The following MYO18A variants were observed in gnomAD, a reference collection of about 807,000 sequenced individuals.
The protein encoded by MYO18A is unconventional myosin-XVIIIa.
A neutral mutation model predicts 235.8 loss-of-function variants in MYO18A; 78 were observed. The ratio of observed to expected loss-of-function variants is 0.33; its 90% CI spans 0.28 to 0.40. The LOEUF (loss-of-function observed/expected upper bound fraction) is 0.40, where lower values mean the gene tolerates loss of function less well. MYO18A is among the 10% of genes least tolerant of loss of function. The probability of loss-of-function intolerance (pLI) is 1.00; values close to 1 mark genes in which losing one functional copy is unlikely to be tolerated. For synonymous variants in MYO18A, 977 were observed against 1,077.8 expected (o/e 0.91, Z 1.83); for missense variants, 2,215 against 2,699.3 (o/e 0.82, Z 3.98).
intron 2 of MYO18A, chr17:29,155,452 GGCCTGGCA>G (rs1334189838): frequency 3.9e-5 from 6 of 152,306 alleles, no homozygotes. Flanking sequence ...CTTGCCCCAG[GGCCTGGCA>G]GTGAGAGGTG....
intron 2 of MYO18A, among the ~76,000 whole-genome samples, chr17:29,161,434 G>T (rs1358147249): frequency 6.6e-6 from 1 of 151,368 alleles, no homozygotes; most frequent in East Asian, 1.9e-4. Flanking sequence ...GGCTGAGGTG[G>T]GAGGATCGCT....
rs1639082649 is a variant in MYO18A at position 29,140,474 on chromosome 17, C to T, written c.1000-18221G>A. The T allele has an allele frequency of 8.4e-7, 1 of 1,191,334 alleles. No homozygotes were observed. The highest frequency in any genetic ancestry group is 1.5e-5 in the South Asian group (1 of 67,110). 73.8% of individuals were successfully genotyped at this position (1,191,334 alleles called of 1,614,324 possible). A position where few individuals can be genotyped will look rare whatever the true frequency, so the allele number is the denominator to read the frequency against. ...GCCCTCTCCCCGGCCCCTCCCGTCCCGAGCTGCCCAGCCCTAGTTGGAGCC... is the reference window on the plus strand; with the variant it reads ...GCCCTCTCCCCGGCCCCTCCCGTCCTGAGCTGCCCAGCCCTAGTTGGAGCC... On this transcript the variant is annotated intron_variant, in intron 2 of 41. Coordinates refer to ENST00000527372, the MANE Select transcript of MYO18A (RefSeq NM_078471.4). The surrounding 1 kb of genome is among the most constrained non-coding windows in gnomAD (Gnocchi z 4.2).
intron 1 of MYO18A, 26 bp from the exon 2 acceptor site, chr17:29,167,047 A>G: frequency 4.9e-6 from 7 of 1,426,710 alleles, no homozygotes; most frequent in Non-Finnish European, 6.4e-6. Flanking sequence ...CACAGAGAGA[A>G]AGGTTATTCG....
rs1398940943 is a variant in MYO18A, at chr17:29,126,364, C to T, written c.1000-4111G>A. 3.9e-5 allele frequency among the ~76,000 whole-genome samples: 6 copies of T among 152,006 alleles called. No homozygotes were observed. Among genetic ancestry groups the T allele is most frequent in the African/African-American group, 1.2e-4 (5 of 41,360 alleles). ...GAGGGCAGCCGCCCGGGAACAGGACCACGACACTCCCCACCTGCTTATGGG... is the reference window on the plus strand; with the variant it reads ...GAGGGCAGCCGCCCGGGAACAGGACTACGACACTCCCCACCTGCTTATGGG... On this transcript the variant is annotated intron_variant, in intron 2 of 41. Transcript: ENST00000527372. This position sits in a 1 kb window ranked among gnomAD's most constrained non-coding sequence, Gnocchi z 4.1.
intron 36 of MYO18A, 100 bp downstream of exon 36, chr17:29,090,432 T>C (rs536717010): frequency 2.9e-6 from 3 of 1,024,672 alleles, no homozygotes; most frequent in African/African-American, 3.2e-5. Flanking sequence ...GGATTACTGA[T>C]GGCAGAGAAA....
In MYO18A at chr17:29,120,144, C is replaced by T. The variant is rs1229270978; in HGVS notation, c.1728+472G>A. Among the ~76,000 whole-genome samples, 1 of 152,202 alleles carries T rather than the reference C, an allele frequency of 6.6e-6. No homozygotes were observed. Among genetic ancestry groups the T allele is most frequent in the Non-Finnish European group, 1.5e-5 (1 of 68,026 alleles). On this transcript the variant is annotated intron_variant, in intron 7 of 41. Coordinates refer to ENST00000527372, the MANE Select transcript of MYO18A (RefSeq NM_078471.4). This position sits in a 1 kb window ranked among gnomAD's most constrained non-coding sequence, Gnocchi z 4.2. ...CCAGAATGAGGTGGAAGAAGACAGG[C>T]CCAGCTCCCAAAGGGGCCCTGCTGC...
intron 2 of MYO18A, among the ~76,000 whole-genome samples, chr17:29,148,923 G>GC (rs1171862361): frequency 6.6e-6 from 1 of 152,212 alleles, no homozygotes; most frequent in African/African-American, 2.4e-5. Context: ...TCCCGGGTTG[G>GC]CCCACCGGCC....
chr17:29,148,788 G>A (rs2067903760), intron 2 of MYO18A, among the ~76,000 whole-genome samples: 1 of 152,222 alleles, frequency 6.6e-6, no homozygotes, highest in Admixed American at 6.5e-5. Flanking sequence ...GAGAGGAGAA[G>A]GAGGGCTGAG....
rs1446590186 is a variant in MYO18A, at chr17:29,129,050, C to T, written c.1000-6797G>A. On this transcript the variant is annotated intron_variant, in intron 2 of 41. Transcript: ENST00000527372. ...ATCCCAGGCCTAACTCCAGGGCGTC[C>T]TGACCTTTGTAGTCCTTGGTCCTTC... 8 of 1,289,418 alleles carry T rather than the reference C, an allele frequency of 6.2e-6. No homozygotes were observed. The South Asian group carries it at 9.9e-5, about 16-fold the overall frequency. The allele number at this position is 1,289,418 out of a possible 1,614,324, so 79.9% of individuals were successfully genotyped here. A position where few individuals can be genotyped will look rare whatever the true frequency, so the allele number is the denominator to read the frequency against.
chr17:29,174,814 CA>C (rs970991069), intron 1 of MYO18A, among the ~76,000 whole-genome samples: 55 of 139,368 alleles, frequency 3.9e-4, no homozygotes, highest in African/African-American at 1.3e-3. Flanking sequence ...GACTCTGTCT[CA>C]AAAAAAAAAG....
intron 2 of MYO18A, among the ~76,000 whole-genome samples, chr17:29,159,439 A>T (rs1374144708): frequency 1.3e-5 from 2 of 152,198 alleles, no homozygotes; most frequent in Non-Finnish European, 2.9e-5. Context: ...GCACAAAATG[A>T]AGACAAATTT....
chr17:29,159,760 TCATA>T (rs2152964591), intron 2 of MYO18A, among the ~76,000 whole-genome samples: 1 of 152,216 alleles, frequency 6.6e-6, no homozygotes, highest in South Asian at 2.1e-4. Context: ...TTGATGAGGC[TCATA>T]CAGTTTCTAC....
chr17:29,080,167 C>T (rs1193040446), intron 41 of MYO18A: 3 of 985,912 alleles, frequency 3.0e-6, no homozygotes, highest in African/African-American at 1.7e-5. Flanking sequence ...TTGGGCGCTC[C>T]GGGCACTTTG....
At chr17:29,175,653 T>A (rs1310161220) in intron 1 of MYO18A, among the ~76,000 whole-genome samples, 4 of 151,850 alleles carry the variant, frequency 2.6e-5, no homozygotes, top group Non-Finnish European at 5.9e-5. Context: ...TGTGAACCAC[T>A]GTGTCCGGCC....
intron 2 of MYO18A, among the ~76,000 whole-genome samples, chr17:29,148,582 T>TTGTGTGTGTGTGTGTGTGTGTG (rs10535921): frequency 2.7e-5 from 4 of 148,758 alleles, no homozygotes; most frequent in Admixed American, 6.7e-5. Context: ...CTTTATTCTT[T>TTGTGTGTGTGTGTGTGTGTGTG]TGTGTGTGTG....
chr17:29,116,436 G>C lies in MYO18A; in HGVS notation c.2050+8C>G. On this transcript the variant is annotated splice_region_variant and intron_variant, in intron 11 of 41. Transcript: ENST00000527372. Reference sequence around the variant, plus strand: ...ATTAGGGAAAGCTAACAAGAAACAAGGTTTTACCTTCAGCAGCTTCTGTAA... The same window carrying C: ...ATTAGGGAAAGCTAACAAGAAACAACGTTTTACCTTCAGCAGCTTCTGTAA... The C allele has an allele frequency of 6.2e-7, 1 of 1,613,942 alleles. No homozygotes were observed.
At chr17:29,148,261 G>A (rs1182612038) in intron 2 of MYO18A, among the ~76,000 whole-genome samples, 2 of 152,198 alleles carry the variant, frequency 1.3e-5, no homozygotes, top group Non-Finnish European at 2.9e-5. Flanking sequence ...TATAAGCACT[G>A]TTGCCATAAA....
chr17:29,079,758 C>T, intron 41 of MYO18A: 3 of 986,098 alleles, frequency 3.0e-6, no homozygotes, highest in Non-Finnish European at 3.6e-6. Flanking sequence ...GGTACAGGTA[C>T]CGCATCATCA....
chr17:29,123,250 CTTG>C (rs762406530), intron 2 of MYO18A, among the ~76,000 whole-genome samples: 1 of 152,128 alleles, frequency 6.6e-6, no homozygotes, highest in Non-Finnish European at 1.5e-5. Context: ...TCGGGCTCCT[CTTG>C]TTGTGTGTGG....
Sources: gnomAD v4.1 joint callset for allele counts (sites outside exome capture counted in the v4.1 genomes callset) on GRCh38, gnomAD v4.1.1 for gene constraint, Gnocchi (gnomAD v3.1) non-coding constraint, MANE v1.5 for transcripts, NCBI Gene and HGNC (gene_info 2026-07-23, HGNC 2026-07-21) for gene names.